The following AEBP1 variants were observed in gnomAD, a reference collection of about 807,000 sequenced individuals.
The protein encoded by AEBP1 is adipocyte enhancer-binding protein 1.
A neutral mutation model predicts 116.5 loss-of-function variants in AEBP1; 69 were observed. That is an observed-to-expected ratio of 0.59 (90% CI 0.49 to 0.72). The LOEUF is 0.72. AEBP1 is among the 30% of genes least tolerant of loss of function. The probability of loss-of-function intolerance (pLI) is 0.00; values close to 1 mark genes in which losing one functional copy is unlikely to be tolerated. For synonymous variants in AEBP1, 627 were observed against 627.3 expected, an observed-to-expected ratio of 1.00 and a Z score of 0.01; for missense variants, 1,444 against 1,557.5, an observed-to-expected ratio of 0.93 and a Z score of 1.23.
rs767504227 is a variant in AEBP1, at chr7:44,113,287, G to A, written c.2745G>A (p.Glu915=). ...HRGIKGVVTD[E]QGIPIANATI... ...GCATTAAGGGGGTGGTGACGGACGA[G>A]CAAGGCATCCCCATTGCCAACGCCA... Residue 915 remains glutamate, a synonymous_variant, in exon 20 of 21, where the codon GAG becomes GAA. Coordinates refer to ENST00000223357, the MANE Select transcript of AEBP1 (RefSeq NM_001129.5). This position sits in a 1 kb window ranked among gnomAD's most constrained non-coding sequence, Gnocchi z 5.3. 3.1e-6 allele frequency: 5 copies of A among 1,613,758 alleles called. No individual in the cohort carries two copies. In the South Asian group the frequency reaches 4.4e-5, roughly 14 times the overall value.
rs971519750 is a variant in AEBP1, at chr7:44,104,554, G to C, written c.-112G>C. 3.3e-6 allele frequency: 2 copies of C among 603,252 alleles called. No homozygotes were observed. Among genetic ancestry groups the C allele is most frequent in the Non-Finnish European group, 5.0e-6 (2 of 401,812 alleles). The allele number at this position is 603,252 out of a possible 1,614,324, so 37.4% of individuals were successfully genotyped here. ...CCTCGCTCACCCCATCCTCTCTCCC[G>C]CCCCTTCCTGGATTCCCTCACCCGT... On this transcript the variant is annotated 5_prime_UTR_variant, in exon 1 of 21. Coordinates refer to ENST00000223357, the MANE Select transcript of AEBP1 (RefSeq NM_001129.5).
Position 44,112,659 on chromosome 7 carries a change from C to T in AEBP1, c.2319C>T (p.Tyr773=), listed in dbSNP as rs750031791. The change falls in exon 18 of 21, where the codon TAC becomes TAT. Residue 773 remains tyrosine (Y), a synonymous_variant. Transcript: ENST00000223357. This position sits in a 1 kb window ranked among gnomAD's most constrained non-coding sequence, Gnocchi z 6.6. ...NGGERLVSYP[Y]DMARTPTQEQ... is the part of the protein sequence containing the mutation. ...GCGAGCGGCTAGTATCCTACCCCTA[C>T]GATATGGCCCGCACGCCTACCCAGG... 53 of 1,613,122 alleles carry T rather than the reference C, an allele frequency of 3.3e-5. No homozygotes were observed. Among genetic ancestry groups the T allele is most frequent in the Non-Finnish European group, 4.4e-5 (52 of 1,179,988 alleles).
chr7:44,114,036 G>GACCT lies in AEBP1; in HGVS notation c.3255_3258dup (p.Thr1087LeufsTer25). 6.2e-7 allele frequency: 1 copy of GACCT among 1,614,158 alleles called. No individual in the cohort carries two copies. The highest frequency in any genetic ancestry group is 8.5e-7 in the Non-Finnish European group (1 of 1,180,030). On this transcript the variant is annotated frameshift_variant, in exon 21 of 21. Coordinates refer to ENST00000223357, the MANE Select transcript of AEBP1 (RefSeq NM_001129.5). LOFTEE classifies it low-confidence loss of function (END_TRUNC). ...CTGGCTGGGAGGAGTCGGAGACTGA[G>GACCT]ACCTACACAGAGGTGGTGACAGAGT... is the stretch of plus-strand genomic sequence containing the variant.
In AEBP1 at chr7:44,107,845, C is replaced by A; in HGVS notation, c.776C>A (p.Pro259His). 6.2e-7 allele frequency: 1 copy of A among 1,611,192 alleles called. No homozygotes were observed. The highest frequency in any genetic ancestry group is 1.1e-5 in the South Asian group (1 of 90,854). ...YIRRQKQPRP[P>H]PSRRRRPERV... ...CGGCGCCAGAAGCAACCCAGGCCAC[C>A]CCCAAGCAGAAGGAGGAGGCCCGAG... is the stretch of plus-strand genomic sequence containing the variant. The change falls in exon 5 of 21, where the codon CCC (proline) becomes CAC (histidine). Residue 259 changes from proline (P) to histidine (H), a missense_variant. Coordinates refer to ENST00000223357, the MANE Select transcript of AEBP1 (RefSeq NM_001129.5). The surrounding 1 kb of genome is among the most constrained non-coding windows in gnomAD (Gnocchi z 4.3).
Position 44,110,001 on chromosome 7 carries a change from G to A in AEBP1, c.1151-14G>A. The A allele has an allele frequency of 1.9e-6, 3 of 1,608,962 alleles. No homozygotes were observed. The highest frequency in any genetic ancestry group is 2.5e-6 in the Non-Finnish European group (3 of 1,176,970). On this transcript the variant is annotated splice_polypyrimidine_tract_variant and intron_variant, in intron 9 of 20. Coordinates refer to ENST00000223357, the MANE Select transcript of AEBP1 (RefSeq NM_001129.5). ...GGAGCTAGTGAGCCACCATTCTGGGGTACGCGTCCTCAGAGTGTCCCCCCA... is the reference window on the plus strand; with the variant it reads ...GGAGCTAGTGAGCCACCATTCTGGGATACGCGTCCTCAGAGTGTCCCCCCA...
At chr7:44,105,619 G>A (rs954625079) in intron 1 of AEBP1, among the ~76,000 whole-genome samples, 6 of 151,948 alleles carry the variant, frequency 3.9e-5, no homozygotes, top group Non-Finnish European at 8.8e-5. Flanking sequence ...TGCCACCCCA[G>A]CTCTAGATCT....
rs2096231078 is a variant in AEBP1, at chr7:44,112,764, C to G, written c.2424C>G (p.Asp808Glu). Residue 808 changes from aspartate to glutamate, a missense_variant, in exon 18 of 21, where the codon GAC becomes GAG. Coordinates refer to ENST00000223357, the MANE Select transcript of AEBP1 (RefSeq NM_001129.5). The surrounding 1 kb of genome is among the most constrained non-coding windows in gnomAD (Gnocchi z 6.6). ...TCTCCGAGGCCCAGGAGACTCCAGA[C>G]CACGCCATCTTCCGGTGGCTTGCCA... The part of the protein sequence containing the change: ...DEVSEAQETP[D>E]HAIFRWLAIS... 6.2e-7 allele frequency: 1 copy of G among 1,613,092 alleles called. No individual in the cohort carries two copies.
chr7:44,108,997 C>G lies in AEBP1; in HGVS notation c.1018+21C>G, dbSNP rs751275919. The G allele has an allele frequency of 1.2e-6, 2 of 1,605,964 alleles. No individual in the cohort carries two copies. The highest frequency in any genetic ancestry group is 3.4e-5 in the Admixed American group (2 of 58,852). ...GCTGAGTGAGTGGGACCAAGGACTT[C>G]CCACACCAGGCCTGCCCTGAAGGCC... On this transcript the variant is annotated intron_variant, in intron 7 of 20. Transcript: ENST00000223357. This position sits in a 1 kb window ranked among gnomAD's most constrained non-coding sequence, Gnocchi z 5.0.
At chr7:44,106,310 A>G in intron 1 of AEBP1, 1 of 682,716 alleles carries the variant, frequency 1.5e-6, no homozygotes. Context: ...TGGGAACCCT[A>G]CGCTCAGTCT....
At position 44,111,479 on chromosome 7, in the gene AEBP1, G is replaced by A; in HGVS notation, c.1717-28G>A. ...TCAGCGGGGGACGGATTGCATGATTGATTCCACGTCCTCCCCCTCTGCCCC... is the reference window on the plus strand; with the variant it reads ...TCAGCGGGGGACGGATTGCATGATTAATTCCACGTCCTCCCCCTCTGCCCC... On this transcript the variant is annotated intron_variant, in intron 14 of 20. Coordinates refer to ENST00000223357, the MANE Select transcript of AEBP1 (RefSeq NM_001129.5). The surrounding 1 kb of genome is among the most constrained non-coding windows in gnomAD (Gnocchi z 4.7). 6.4e-7 allele frequency: 1 copy of A among 1,556,044 alleles called. No individual in the cohort carries two copies. The highest frequency in any genetic ancestry group is 8.7e-7 in the Non-Finnish European group (1 of 1,150,996).
At position 44,113,455 on chromosome 7, in the gene AEBP1, G is replaced by C; in HGVS notation, c.2809+104G>C. 17 of 1,429,858 alleles carry C rather than the reference G, an allele frequency of 1.2e-5. No homozygotes were observed. Among genetic ancestry groups the C allele is most frequent in the Non-Finnish European group, 1.6e-5 (17 of 1,059,044 alleles). 88.6% of individuals were successfully genotyped at this position (1,429,858 alleles called of 1,614,324 possible). ...GAGCAGGTAGAGTCTGGGGAGCCTG[G>C]GGGCGAAATTCAGAGAGGGAGGGCG... On this transcript the variant is annotated intron_variant, in intron 20 of 20. Transcript: ENST00000223357. The surrounding 1 kb of genome is among the most constrained non-coding windows in gnomAD (Gnocchi z 5.3).
At position 44,104,816 on chromosome 7, in the gene AEBP1, G is replaced by C. The variant is rs1166588417; in HGVS notation, c.151G>C (p.Glu51Gln). The C allele has an allele frequency of 1.2e-6, 2 of 1,605,184 alleles. No individual in the cohort carries two copies. Among genetic ancestry groups the C allele is most frequent in the African/African-American group, 1.3e-5 (1 of 74,708 alleles). ...FLSELEPEPR[E>Q]DDVEAPPPPE... Reference sequence around the variant, plus strand: ...GTCAGAGCTAGAACCTGAGCCCCGGGAGGACGACGTGGAGGCCCCGCCGCC... The same window carrying C: ...GTCAGAGCTAGAACCTGAGCCCCGGCAGGACGACGTGGAGGCCCCGCCGCC... Residue 51 changes from glutamate (E) to glutamine (Q), a missense_variant, in exon 1 of 21, where the codon GAG (glutamate) becomes CAG (glutamine). Coordinates refer to ENST00000223357, the MANE Select transcript of AEBP1 (RefSeq NM_001129.5).
At position 44,111,760 on chromosome 7, in the gene AEBP1, C is replaced by T. The variant is rs551092549; in HGVS notation, c.1841-94C>T. On this transcript the variant is annotated intron_variant, in intron 15 of 20. Transcript: ENST00000223357. This position sits in a 1 kb window ranked among gnomAD's most constrained non-coding sequence, Gnocchi z 4.7. The stretch of plus-strand genomic sequence containing the variant: ...AGGGCCCTAGGAGCCCCAGCTGTCC[C>T]CCAGACCCTCGGGTATGAGGTGGGT... 6 of 1,533,042 alleles carry T rather than the reference C, an allele frequency of 3.9e-6. No individual in the cohort carries two copies. In the South Asian group the frequency reaches 6.1e-5, roughly 16 times the overall value. 95.0% of individuals were successfully genotyped at this position (1,533,042 alleles called of 1,614,324 possible). A position where few individuals can be genotyped will look rare whatever the true frequency, so the allele number is the denominator to read the frequency against.
Position 44,105,735 on chromosome 7 carries a change from G to A in AEBP1, c.254-811G>A, listed in dbSNP as rs903450614. Among the ~76,000 whole-genome samples, 11 of 152,088 alleles carry A rather than the reference G, an allele frequency of 7.2e-5. 1 individual carries two copies. The highest frequency in any genetic ancestry group is 1.4e-4 in the African/African-American group (6 of 41,402). On this transcript the variant is annotated intron_variant, in intron 1 of 20. Coordinates refer to ENST00000223357, the MANE Select transcript of AEBP1 (RefSeq NM_001129.5). ...TGGGGCACCGCTCTAGCAGCCCTGCGTCCCCTGGCTGTCTGCATTTGGTAG... is the reference window on the plus strand; with the variant it reads ...TGGGGCACCGCTCTAGCAGCCCTGCATCCCCTGGCTGTCTGCATTTGGTAG...
chr7:44,113,281 G>A lies in AEBP1; in HGVS notation c.2739G>A (p.Thr913=), dbSNP rs2096232023. Residue 913 remains threonine (T), a synonymous_variant, in exon 20 of 21, where the codon ACG becomes ACA. Transcript: ENST00000223357. The surrounding 1 kb of genome is among the most constrained non-coding windows in gnomAD (Gnocchi z 5.3). The part of the protein sequence containing the change: ...QVHRGIKGVV[T]DEQGIPIANA... Reference sequence around the variant, plus strand: ...ACCGCGGCATTAAGGGGGTGGTGACGGACGAGCAAGGCATCCCCATTGCCA... The same window carrying A: ...ACCGCGGCATTAAGGGGGTGGTGACAGACGAGCAAGGCATCCCCATTGCCA... 6.2e-7 allele frequency: 1 copy of A among 1,613,696 alleles called. No individual in the cohort carries two copies. The highest frequency in any genetic ancestry group is 1.7e-5 in the Admixed American group (1 of 59,938).
In AEBP1 at chr7:44,106,543, C is replaced by G; in HGVS notation, c.254-3C>G. On this transcript the variant is annotated splice_region_variant and splice_polypyrimidine_tract_variant and intron_variant, in intron 1 of 20. Coordinates refer to ENST00000223357, the MANE Select transcript of AEBP1 (RefSeq NM_001129.5). ...ATTTGACACGAGTCTGCATCTTGGA[C>G]AGTGCCTCCGGAAAAGACCAAAGAC... The G allele has an allele frequency of 6.3e-7, 1 of 1,588,284 alleles. No homozygotes were observed. Among genetic ancestry groups the G allele is most frequent in the Admixed American group, 1.9e-5 (1 of 52,826 alleles).
rs2096220993 is a variant in AEBP1, at chr7:44,104,644, G to GC, written c.-16dup. 3 of 1,428,450 alleles carry GC rather than the reference G, an allele frequency of 2.1e-6. No homozygotes were observed. The highest frequency in any genetic ancestry group is 1.5e-5 in the South Asian group (1 of 66,300). 88.5% of individuals were successfully genotyped at this position (1,428,450 alleles called of 1,614,324 possible). A position where few individuals can be genotyped will look rare whatever the true frequency, so the allele number is the denominator to read the frequency against. ...CCTGACCCCCCGCGCCCTCCCCGGA[G>GC]CCCCCCGCGCGTGCCGCGGCCATGG... On this transcript the variant is annotated 5_prime_UTR_variant, in exon 1 of 21. Transcript: ENST00000223357.
rs2096234082 is a variant in AEBP1, at chr7:44,114,205, C to G, written c.3421C>G (p.Gln1141Glu). The G allele has an allele frequency of 2.5e-6, 4 of 1,611,040 alleles. No individual in the cohort carries two copies. The highest frequency in any genetic ancestry group is 1.7e-4 in the Middle Eastern group (1 of 6,056). ...EEKEEEIATG[Q>E]AFPFTTVETY... ...GAAAGAGGAGGAGATAGCCACTGGC[C>G]AGGCATTCCCCTTCACAACAGTAGA... is the stretch of plus-strand genomic sequence containing the variant. Residue 1141 changes from glutamine to glutamate, a missense_variant, in exon 21 of 21, where the codon CAG (glutamine) becomes GAG (glutamate). Transcript: ENST00000223357.
rs1202780046 is a variant in AEBP1 at position 44,107,361 on chromosome 7, G to A, written c.596-78G>A. ...CACAGGCTCTGTGTGGGCTCTATGG[G>A]TGGCTGGTGGCCTGAGGCTCCCAAG... On this transcript the variant is annotated intron_variant, in intron 2 of 20. Transcript: ENST00000223357. This position sits in a 1 kb window ranked among gnomAD's most constrained non-coding sequence, Gnocchi z 4.3. 7.0e-7 allele frequency: 1 copy of A among 1,427,078 alleles called. No individual in the cohort carries two copies. The highest frequency in any genetic ancestry group is 9.9e-7 in the Non-Finnish European group (1 of 1,014,142). The allele number at this position is 1,427,078 out of a possible 1,614,324, so 88.4% of individuals were successfully genotyped here. A position where few individuals can be genotyped will look rare whatever the true frequency, so the allele number is the denominator to read the frequency against.
Sources: gnomAD v4.1 joint callset for allele counts (sites outside exome capture counted in the v4.1 genomes callset) on GRCh38, gnomAD v4.1.1 for gene constraint, Gnocchi (gnomAD v3.1) non-coding constraint, MANE v1.5 for transcripts, NCBI Gene and HGNC (gene_info 2026-07-23, HGNC 2026-07-21) for gene names.